GTF3C2: variants seen among roughly 807,000 people sequenced by gnomAD.
The protein encoded by GTF3C2 is general transcription factor IIIC subunit 2.
In GTF3C2, 17 loss-of-function variants were observed where a neutral mutation model predicts 117.4. The ratio of observed to expected loss-of-function variants is 0.14; its 90% CI spans 0.10 to 0.22. The LOEUF (loss-of-function observed/expected upper bound fraction) is 0.22. GTF3C2 is among the 10% of genes least tolerant of loss of function. The probability of loss-of-function intolerance (pLI) is 1.00; values close to 1 mark genes in which losing one functional copy is unlikely to be tolerated. For missense variants in GTF3C2, 888 were observed against 1,143.6 expected (o/e 0.78, Z 3.22); for synonymous variants, 437 against 427.0 (o/e 1.02, Z -0.29).
rs768281681 is a variant in GTF3C2, at chr2:27,343,349, A to G, written c.206T>C (p.Leu69Pro). The change falls in exon 2 of 19, where the codon CTC (leucine) becomes CCC (proline). Residue 69 changes from leucine to proline, a missense_variant. Coordinates refer to ENST00000264720, the Ensembl canonical transcript of GTF3C2. ...GGAGAGGCTTTCCTGCTCTGGAGGG[A>G]GCCTCCTCTGATCAGGAGAATCCTC... The G allele has an allele frequency of 2.5e-6, 4 of 1,613,996 alleles. No individual in the cohort carries two copies. The East Asian group carries it at 8.9e-5, about 36-fold the overall frequency.
chr2:27,351,282 C>T (rs1372032601), intron 1 of GTF3C2, among the ~76,000 whole-genome samples: 2 of 151,372 alleles, frequency 1.3e-5, no homozygotes, highest in Non-Finnish European at 2.9e-5. Flanking sequence ...CGTGGTGCCA[C>T]GTGCACTTGT....
chr2:27,339,998 AAAAAAAAAAGG>A (rs1326932202), intron 4 of GTF3C2: 2 of 150,602 alleles, frequency 1.3e-5, no homozygotes, highest in African/African-American at 5.0e-5. Context: ...AAAAAAAAAA[AAAAAAAAAAGG>A]GAAAAAAGAA....
At chr2:27,336,832 A>AGT in intron 7 of GTF3C2, 1 of 209,018 alleles carries the variant, frequency 4.8e-6, no homozygotes, top group Non-Finnish European at 9.6e-6. Context: ...CTGGTCTTGA[A>AGT]CTCGTGGGCT....
At chr2:27,334,398 C>G (rs1463078284) in intron 10 of GTF3C2, among the ~76,000 whole-genome samples, 3 of 152,118 alleles carry the variant, frequency 2.0e-5, no homozygotes, top group Non-Finnish European at 4.4e-5. Context: ...TTCCTCCTAT[C>G]AGAAGAGCAA....
At chr2:27,335,937 G>A (rs752754270) in exon 9 of GTF3C2, 9 of 1,610,010 alleles carry the variant, frequency 5.6e-6, no homozygotes, top group African/African-American at 1.3e-5. Context: ...GTGCCTGGAA[G>A]TTCCCATGCT....
intron 15 of GTF3C2, 55 bp from the exon 16 acceptor site, chr2:27,328,651 T>C: frequency 7.1e-7 from 1 of 1,413,912 alleles, no homozygotes; most frequent in Non-Finnish European, 1.0e-6. Flanking sequence ...AGCTATGAAC[T>C]GGTAACAGCT....
At chr2:27,327,317 G>A in intron 17 of GTF3C2, 33 bp from the exon 18 acceptor site, 2 of 1,139,124 alleles carry the variant, frequency 1.8e-6, no homozygotes, top group Non-Finnish European at 2.6e-6. Context: ...GAGAGAGAAA[G>A]TGAGACGCTC....
Position 27,335,599 on chromosome 2 carries a change from T to C in GTF3C2, c.1575A>G (p.Pro525=). Residue 525 remains proline (P), a splice_region_variant and synonymous_variant, in exon 10 of 19, where the codon CCA becomes CCG. Transcript: ENST00000264720. ...CATTCTCCTTGCTGTGCTACTCACC[T>C]GGGGGTTGCTGAGCCAGCAGGGCCT... 4 of 1,512,636 alleles carry C rather than the reference T, an allele frequency of 2.6e-6. No homozygotes were observed. The highest frequency in any genetic ancestry group is 1.2e-5 in the South Asian group (1 of 83,270). 93.7% of individuals were successfully genotyped at this position (1,512,636 alleles called of 1,614,324 possible). A position where few individuals can be genotyped will look rare whatever the true frequency, so the allele number is the denominator to read the frequency against.
intron 1 of GTF3C2, among the ~76,000 whole-genome samples, chr2:27,348,451 C>CA (rs1204871982): frequency 2.6e-5 from 4 of 151,468 alleles, no homozygotes; most frequent in African/African-American, 4.9e-5. Context: ...AAAAAACAAA[C>CA]AAAAAAACCG....
chr2:27,356,742 C>G (rs930330354), exon 1 of GTF3C2: 1 of 152,834 alleles, frequency 6.5e-6, no homozygotes, highest in Admixed American at 6.5e-5. Context: ...CACTCACCCT[C>G]GCCAAAGTCC....
At chr2:27,327,045 G>A (rs888315239) in intron 18 of GTF3C2, 132 bp downstream of exon 18, 3 of 671,488 alleles carry the variant, frequency 4.5e-6, no homozygotes, top group African/African-American at 1.8e-5. Flanking sequence ...GCCAGTGAAT[G>A]AGGTACGTCT....
intron 1 of GTF3C2, chr2:27,356,086 C>T (rs755478649): frequency 1.6e-6 from 2 of 1,288,218 alleles, no homozygotes; most frequent in South Asian, 1.2e-5. Flanking sequence ...TTTGTCCATA[C>T]CCTATACATC....
At chr2:27,331,719 C>A (rs1160671716) in intron 12 of GTF3C2, among the ~76,000 whole-genome samples, 1 of 151,992 alleles carries the variant, frequency 6.6e-6, no homozygotes, top group African/African-American at 2.4e-5. Context: ...AGGCAGATCA[C>A]TTTGAGCTCA....
exon 10 of GTF3C2, chr2:27,335,603 G>T (rs1352496785): frequency 2.0e-6 from 3 of 1,526,642 alleles, no homozygotes; most frequent in Non-Finnish European, 2.7e-6. Flanking sequence ...CTCACCTGGG[G>T]GTTGCTGAGC....
At chr2:27,341,971 T>G in exon 4 of GTF3C2, 1 of 1,614,088 alleles carries the variant, frequency 6.2e-7, no homozygotes, top group Non-Finnish European at 8.5e-7. Flanking sequence ...CCTCGTGGGG[T>G]GCTTCGGGGC....
chr2:27,341,817 G>T, intron 4 of GTF3C2, 131 bp downstream of exon 4: 1 of 723,102 alleles, frequency 1.4e-6, no homozygotes. Flanking sequence ...TTTGGAAATG[G>T]ACCCTTTTTT....
chr2:27,328,325 A>T, intron 16 of GTF3C2, 136 bp from the exon 17 acceptor site: 1 of 1,032,728 alleles, frequency 9.7e-7, no homozygotes, highest in Admixed American at 2.1e-5. Flanking sequence ...GCAGTACGGT[A>T]GGGAAGATTA....
At chr2:27,327,624 C>CT (rs918684500) in intron 17 of GTF3C2, among the ~76,000 whole-genome samples, 2,641 of 92,578 alleles carry the variant, frequency 0.029, 93 homozygotes, top group African/African-American at 0.071. Context: ...ACGCCTGGCC[C>CT]TTTTTTTTTT....
intron 1 of GTF3C2, among the ~76,000 whole-genome samples, chr2:27,352,603 C>T (rs1414545434): frequency 1.3e-5 from 2 of 152,112 alleles, no homozygotes; most frequent in African/African-American, 4.8e-5. Flanking sequence ...TATCCTTCAC[C>T]CCATATTCCT....
Sources: gnomAD v4.1 joint callset for allele counts (sites outside exome capture counted in the v4.1 genomes callset) on GRCh38, gnomAD v4.1.1 for gene constraint, MANE v1.5 for transcripts, NCBI Gene and HGNC (gene_info 2026-07-23, HGNC 2026-07-21) for gene names.